The following KCND3 variants were observed in gnomAD, a reference collection of about 807,000 sequenced individuals.
KCND3 encodes potassium voltage-gated channel subfamily D member 3.
A neutral mutation model predicts 51.1 loss-of-function variants in KCND3; 9 were observed. The observed-to-expected ratio is 0.18, with a 90% CI of 0.11 to 0.31. The LOEUF is 0.31. Ranked by LOEUF, KCND3 falls within the 10% of genes least tolerant of loss-of-function variation. KCND3 has a pLI of 1.00. For missense variants in KCND3, 526 were observed against 903.8 expected (o/e 0.58, Z 5.36); for synonymous variants, 349 against 368.0 (o/e 0.95, Z 0.59).
intron 2 of KCND3, among the ~76,000 whole-genome samples, chr1:111,960,177 G>A (rs1285048617): frequency 1.3e-5 from 2 of 152,070 alleles, no homozygotes; most frequent in African/African-American, 2.4e-5. Flanking sequence ...GCATGAGAAC[G>A]GACTAATACA....
rs1264540072 is a variant in KCND3, at chr1:111,772,891, A to G, written c.*3186T>C. 6.6e-6 allele frequency: 1 copy of G among 152,232 alleles called. No individual in the cohort carries two copies. The highest frequency in any genetic ancestry group is 1.5e-5 in the Non-Finnish European group (1 of 68,032). 9.4% of individuals were successfully genotyped at this position (152,232 alleles called of 1,614,324 possible). ...TCAAGGGTCATGGCTATTGGCCCCCAGAAAATCCTGATATCCTGGTTTTTC... is the reference window on the plus strand; with the variant it reads ...TCAAGGGTCATGGCTATTGGCCCCCGGAAAATCCTGATATCCTGGTTTTTC... On this transcript the variant is annotated 3_prime_UTR_variant, in exon 8 of 8. Coordinates refer to ENST00000302127, the MANE Select transcript of KCND3 (RefSeq NM_001378969.1).
At chr1:111,829,301 G>C (rs1252987420) in intron 2 of KCND3, among the ~76,000 whole-genome samples, 1 of 152,082 alleles carries the variant, frequency 6.6e-6, no homozygotes, top group African/African-American at 2.4e-5. Context: ...TCTGATGAGA[G>C]TGGTAGGGAC....
intron 2 of KCND3, among the ~76,000 whole-genome samples, chr1:111,951,714 A>C (rs1172388291): frequency 6.6e-6 from 1 of 152,198 alleles, no homozygotes; most frequent in African/African-American, 2.4e-5. Flanking sequence ...AAAGATACAA[A>C]ATCATGCCAG....
intron 5 of KCND3, 21 bp from the exon 6 acceptor site, chr1:111,778,513 A>G: frequency 2.5e-6 from 4 of 1,611,780 alleles, no homozygotes; most frequent in Non-Finnish European, 3.4e-6. Context: ...ACATGCCAAC[A>G]GAAGATAAAA....
intron 2 of KCND3, among the ~76,000 whole-genome samples, chr1:111,905,925 T>C (rs989275105): frequency 1.3e-5 from 2 of 152,216 alleles, no homozygotes; most frequent in African/African-American, 4.8e-5. Flanking sequence ...CCCTGTATTT[T>C]ACAGATGAGG....
At chr1:111,925,583 C>T (rs991087388) in intron 2 of KCND3, among the ~76,000 whole-genome samples, 11 of 152,146 alleles carry the variant, frequency 7.2e-5, no homozygotes, top group Non-Finnish European at 1.3e-4. Flanking sequence ...CTCTGGGGCT[C>T]GGTTTCTTCA....
At chr1:111,929,145 G>C (rs943287210) in intron 2 of KCND3, among the ~76,000 whole-genome samples, 1 of 152,188 alleles carries the variant, frequency 6.6e-6, no homozygotes, top group Non-Finnish European at 1.5e-5. Context: ...GAGAAATCAG[G>C]TATTCTCACA....
intron 2 of KCND3, among the ~76,000 whole-genome samples, chr1:111,970,061 G>T (rs1227879069): frequency 4.0e-5 from 6 of 151,340 alleles, no homozygotes; most frequent in African/African-American, 1.5e-4. Flanking sequence ...TTGTCGCCCA[G>T]GCTGGAATGC....
At chr1:111,923,773 G>C (rs1671579915) in intron 2 of KCND3, among the ~76,000 whole-genome samples, 1 of 152,210 alleles carries the variant, frequency 6.6e-6, no homozygotes, top group African/African-American at 2.4e-5. Flanking sequence ...CAGCGCAGGG[G>C]CTTCGTGCAC....
chr1:111,871,972 G>T (rs761522136), intron 2 of KCND3, among the ~76,000 whole-genome samples: 14 of 152,180 alleles, frequency 9.2e-5, no homozygotes, highest in Non-Finnish European at 1.8e-4. Context: ...TGGGGCCTGA[G>T]AAATGGTCAG....
chr1:111,800,837 C>G (rs983099128), intron 2 of KCND3, among the ~76,000 whole-genome samples: 9 of 152,228 alleles, frequency 5.9e-5, no homozygotes, highest in African/African-American at 2.2e-4. Context: ...AGGTAGAAAG[C>G]CCAAGCCCAA....
At chr1:111,900,653 TA>T (rs35244561) in intron 2 of KCND3, among the ~76,000 whole-genome samples, 132 of 147,406 alleles carry the variant, frequency 9.0e-4, no homozygotes, top group Non-Finnish European at 8.0e-4. Flanking sequence ...CAGTGAATGC[TA>T]AAAAAAAAAA....
chr1:111,831,028 T>C (rs907473918), intron 2 of KCND3, among the ~76,000 whole-genome samples: 1 of 152,224 alleles, frequency 6.6e-6, no homozygotes, highest in African/African-American at 2.4e-5. Flanking sequence ...TAAACAGGAC[T>C]TCAGAGAAGT....
chr1:111,779,766 A>C (rs1468487020), intron 5 of KCND3, among the ~76,000 whole-genome samples: 2 of 152,158 alleles, frequency 1.3e-5, no homozygotes, highest in Non-Finnish European at 2.9e-5. Context: ...TACCTCCTTC[A>C]CACGCTGTCT....
intron 2 of KCND3, among the ~76,000 whole-genome samples, chr1:111,894,651 G>T (rs1670010489): frequency 2.0e-5 from 3 of 152,206 alleles, no homozygotes; most frequent in African/African-American, 7.2e-5. Context: ...CTGCACCACG[G>T]CAATGTGGGA....
At chr1:111,879,356 A>C (rs1286154089) in intron 2 of KCND3, among the ~76,000 whole-genome samples, 1 of 152,102 alleles carries the variant, frequency 6.6e-6, no homozygotes, top group Middle Eastern at 3.2e-3. Context: ...TCTGAGTCAA[A>C]GTGTTTACAT....
intron 2 of KCND3, chr1:111,854,034 T>C (rs1020268647): frequency 6.6e-6 from 1 of 152,204 alleles, no homozygotes; most frequent in African/African-American, 2.4e-5. Flanking sequence ...GATTATTGTT[T>C]GAAGGTTTTT....
At chr1:111,975,822 T>C (rs1420807369) in intron 2 of KCND3, among the ~76,000 whole-genome samples, 1 of 152,162 alleles carries the variant, frequency 6.6e-6, no homozygotes, top group Non-Finnish European at 1.5e-5. Flanking sequence ...AGGTCCCTCC[T>C]GCCTGTTGGA....
chr1:111,945,029 C>T (rs1441076229), intron 2 of KCND3, among the ~76,000 whole-genome samples: 1 of 152,212 alleles, frequency 6.6e-6, no homozygotes, highest in Non-Finnish European at 1.5e-5. Context: ...AGGTCCTCAA[C>T]AGATATTTGA....
Sources: gnomAD v4.1 joint callset for allele counts (sites outside exome capture counted in the v4.1 genomes callset) on GRCh38, gnomAD v4.1.1 for gene constraint, MANE v1.5 for transcripts, NCBI Gene and HGNC (gene_info 2026-07-23, HGNC 2026-07-21) for gene names.